PTCH1: variants seen among roughly 807,000 people sequenced by gnomAD.
The protein encoded by PTCH1 is protein patched homolog 1.
PTCH1 carries 14 observed loss-of-function variants against 144.6 expected under a neutral mutation model. The ratio of observed to expected loss-of-function variants is 0.10; its 90% CI spans 0.06 to 0.15. The LOEUF (loss-of-function observed/expected upper bound fraction) is 0.15. Among genes scored for constraint, PTCH1 ranks in the 10% least tolerant of loss-of-function variants. The pLI is 1.00. For synonymous variants in PTCH1, 833 were observed against 793.6 expected (o/e 1.05, Z -0.83); for missense variants, 1,623 against 1,948.3 (o/e 0.83, Z 3.14).
intron 22 of PTCH1, among the ~76,000 whole-genome samples, chr9:95,448,238 G>T (rs1302177057): frequency 1.3e-5 from 2 of 152,362 alleles, no homozygotes; most frequent in Non-Finnish European, 1.5e-5. Context: ...GTCGTCGCGG[G>T]GGGTAGGAGG....
chr9:95,462,045 G>C (rs961596604), intron 15 of PTCH1, 47 bp from the exon 16 acceptor site: 40 of 1,612,964 alleles, frequency 2.5e-5, no homozygotes, highest in Non-Finnish European at 3.1e-5. Context: ...GCAGCCAGAA[G>C]GACCCTGGTC....
Position 95,449,658 on chromosome 9 carries a change from A to G in PTCH1, c.3549+183T>C. 1 of 708,990 alleles carries G rather than the reference A, an allele frequency of 1.4e-6. No homozygotes were observed. Among genetic ancestry groups the G allele is most frequent in the Non-Finnish European group, 2.4e-6 (1 of 413,468 alleles). The allele number at this position is 708,990 out of a possible 1,614,324, so 43.9% of individuals were successfully genotyped here. On this transcript the variant is annotated intron_variant, in intron 21 of 23. Coordinates refer to ENST00000331920, the MANE Select transcript of PTCH1 (RefSeq NM_000264.5). The surrounding 1 kb of genome is among the most constrained non-coding windows in gnomAD (Gnocchi z 5.3). ...CAATCAGTTGATTTAGAGGAACCAA[A>G]CCGAACCCGCCCTCTAGCCCTCAAA...
chr9:95,447,860 T>C (rs989763930), intron 22 of PTCH1, among the ~76,000 whole-genome samples: 2 of 152,232 alleles, frequency 1.3e-5, no homozygotes, highest in African/African-American at 4.8e-5. Flanking sequence ...CAGGACTGTC[T>C]CTGCCTACTC....
intron 2 of PTCH1, among the ~76,000 whole-genome samples, chr9:95,488,285 C>T (rs1272912874): frequency 2.6e-5 from 4 of 152,212 alleles, no homozygotes; most frequent in East Asian, 1.9e-4. Context: ...GAAAACCTGT[C>T]GCTCCCCCAT....
chr9:95,479,850 T>A, intron 7 of PTCH1, 119 bp downstream of exon 7: 3 of 1,515,366 alleles, frequency 2.0e-6, no homozygotes, highest in East Asian at 2.3e-5. Context: ...GCCACCTGGC[T>A]AGCGAGGATA....
In PTCH1 at chr9:95,478,248, G is replaced by GC. The variant is rs1482151309; in HGVS notation, c.1216-63dup. 4 of 1,609,204 alleles carry GC rather than the reference G, an allele frequency of 2.5e-6. No homozygotes were observed. In the African/African-American group the frequency reaches 5.3e-5, roughly 22 times the overall value. ...ATGAACACTTCCACAAGCCTCGACA[G>GC]CACAGATCTCAGGTGACACAGCGCA... On this transcript the variant is annotated intron_variant, in intron 8 of 23. Coordinates refer to ENST00000331920, the MANE Select transcript of PTCH1 (RefSeq NM_000264.5).
chr9:95,507,301 TAAA>T (rs1345135519), intron 1 of PTCH1: 3 of 985,172 alleles, frequency 3.0e-6, no homozygotes, highest in South Asian at 4.7e-5. Flanking sequence ...TGGTTAAACG[TAAA>T]AAACAGCCGA....
chr9:95,447,023 G>A lies in PTCH1; in HGVS notation c.4233C>T (p.Asp1411=), dbSNP rs2136572617. 1.2e-6 allele frequency: 2 copies of A among 1,614,206 alleles called. No individual in the cohort carries two copies. Among genetic ancestry groups the A allele is most frequent in the African/African-American group, 1.3e-5 (1 of 75,052 alleles). ...ACCGGACGTGGAAAGGCACGTGGGG[G>A]TCCTCAAACAGGCCGTGGTCAGTCT... ...YPETDHGLFE[D]PHVPFHVRCE... is the part of the protein sequence containing the mutation. The change falls in exon 23 of 24, where the codon GAC becomes GAT. Residue 1411 remains aspartate, a synonymous_variant. Coordinates refer to ENST00000331920, the MANE Select transcript of PTCH1 (RefSeq NM_000264.5).
Position 95,458,112 on chromosome 9 carries a change from G to C in PTCH1, c.3069C>G (p.Gly1023=), listed in dbSNP as rs767289081. ...TGAACAGCAGCAGCCAGTGGCGGAG[G>C]CCGATGTACTGCTCCCAGAAGAGGA... ...YPFLFWEQYI[G]LRHWLLLFIS... The change falls in exon 18 of 24, where the codon GGC becomes GGG. Residue 1023 remains glycine, a synonymous_variant. Transcript: ENST00000331920. This position sits in a 1 kb window ranked among gnomAD's most constrained non-coding sequence, Gnocchi z 4.7. The C allele has an allele frequency of 5.6e-6, 9 of 1,614,256 alleles. No individual in the cohort carries two copies. The highest frequency in any genetic ancestry group is 7.6e-6 in the Non-Finnish European group (9 of 1,180,046).
chr9:95,443,974 C>T lies in PTCH1; in HGVS notation c.*2419G>A, dbSNP rs1340688337. The T allele has an allele frequency of 1.3e-5, 2 of 152,322 alleles. No individual in the cohort carries two copies. The highest frequency in any genetic ancestry group is 2.9e-5 in the Non-Finnish European group (2 of 67,986). The allele number at this position is 152,322 out of a possible 1,614,324, so 9.4% of individuals were successfully genotyped here. A position where few individuals can be genotyped will look rare whatever the true frequency, so the allele number is the denominator to read the frequency against. ...ACTCTATACAAATAAAAATTCTGTCCAAAAGTAAAACATAGCTGTAATGTT... is the reference window on the plus strand; with the variant it reads ...ACTCTATACAAATAAAAATTCTGTCTAAAAGTAAAACATAGCTGTAATGTT... On this transcript the variant is annotated 3_prime_UTR_variant, in exon 24 of 24. Transcript: ENST00000331920.
intron 2 of PTCH1, among the ~76,000 whole-genome samples, chr9:95,492,903 G>A (rs144689467): frequency 3.4e-4 from 51 of 152,042 alleles, no homozygotes; most frequent in South Asian, 4.2e-4. Context: ...TCTTAGAGGG[G>A]GCAGATGAAG....
At chr9:95,480,297 G>A (rs1478321953) in intron 6 of PTCH1, 93 bp downstream of exon 6, 2 of 1,552,400 alleles carry the variant, frequency 1.3e-6, no homozygotes, top group East Asian at 2.3e-5. Flanking sequence ...AGAATGAAAT[G>A]TTAAAAATGA....
At chr9:95,516,171 T>A (rs1340484166) in intron 1 of PTCH1, among the ~76,000 whole-genome samples, 1 of 150,596 alleles carries the variant, frequency 6.6e-6, no homozygotes, top group African/African-American at 2.4e-5. Context: ...GAGCCGTTCC[T>A]CAGCCGGGGC....
intron 15 of PTCH1, among the ~76,000 whole-genome samples, chr9:95,465,195 TCC>T (rs1022264602): frequency 6.6e-6 from 1 of 151,972 alleles, no homozygotes; most frequent in Non-Finnish European, 1.5e-5. Flanking sequence ...CTCGAGACAA[TCC>T]CCCTTTACCC....
At chr9:95,446,502 T>A (rs1392903895) in intron 23 of PTCH1, 111 bp from the exon 24 acceptor site, 1 of 476,136 alleles carries the variant, frequency 2.1e-6, no homozygotes, top group Non-Finnish European at 4.2e-6. Context: ...ATCACGAGAG[T>A]GGGGTGTGGG....
chr9:95,505,582 T>G (rs925760011), intron 2 of PTCH1, among the ~76,000 whole-genome samples: 2 of 152,164 alleles, frequency 1.3e-5, no homozygotes, highest in African/African-American at 2.4e-5. Context: ...GATAAAAGAC[T>G]GGCAGAACCC....
At position 95,508,364 on chromosome 9, in the gene PTCH1, TGCCGCC is replaced by T. The variant is rs71366293; in HGVS notation, c.-9_-4del. On this transcript the variant is annotated 5_prime_UTR_variant, in exon 1 of 24. Transcript: ENST00000331920. ...GCGGCGTTACCAGCCGAGGCCATGT[TGCCGCC>T]GCCGCCGCCGCCGCCGCGGGGACGG... The T allele has an allele frequency of 0.013, 15,266 of 1,163,744 alleles. 127 individuals are homozygous for T. The highest frequency in any genetic ancestry group is 0.023 in the Middle Eastern group (66 of 2,858). The allele number at this position is 1,163,744 out of a possible 1,614,324, so 72.1% of individuals were successfully genotyped here. A position where few individuals can be genotyped will look rare whatever the true frequency, so the allele number is the denominator to read the frequency against.
intron 2 of PTCH1, among the ~76,000 whole-genome samples, chr9:95,501,850 C>A (rs1307495140): frequency 6.6e-6 from 1 of 152,096 alleles, no homozygotes; most frequent in Non-Finnish European, 1.5e-5. Flanking sequence ...AAAGGAAATA[C>A]CAACAAAGAA....
chr9:95,506,981 C>G (rs909103701), intron 1 of PTCH1: 1 of 1,003,378 alleles, frequency 1.0e-6, no homozygotes, highest in East Asian at 1.0e-4. Flanking sequence ...AGCGATGGAG[C>G]CCAAGGTTCA....
Sources: allele counts gnomAD v4.1 joint callset (sites outside exome capture counted in the v4.1 genomes callset), GRCh38; gene constraint gnomAD v4.1.1; non-coding constraint Gnocchi (gnomAD v3.1); transcripts MANE v1.5; gene names NCBI Gene and HGNC (gene_info 2026-07-23, HGNC 2026-07-21).